Variants in NAALADL2 observed in about 807,000 individuals in gnomAD.
NAALADL2 encodes inactive N-acetylated-alpha-linked acidic dipeptidase-like protein 2.
A neutral mutation model predicts 87.2 loss-of-function variants in NAALADL2; 76 were observed. The observed-to-expected ratio is 0.87, with a 90% confidence interval of 0.72 to 1.05. The LOEUF is 1.05. Among genes scored for constraint, NAALADL2 ranks in the 50% least tolerant of loss-of-function variants. NAALADL2 has a pLI of 0.00. For synonymous variants in NAALADL2, 354 were observed against 331.0 expected, an observed-to-expected ratio of 1.07 and a Z score of -0.75; for missense variants, 1,089 against 945.8, an observed-to-expected ratio of 1.15 and a Z score of -1.99.
At chr3:174,793,448 A>C (rs1478790774) in intron 3 of NAALADL2, among the ~76,000 whole-genome samples, 1 of 152,124 alleles carries the variant, frequency 6.6e-6, no homozygotes. Context: ...TTTACTTGGC[A>C]ATACTATGTG....
At chr3:175,299,894 G>A (rs921956252) in intron 4 of NAALADL2, among the ~76,000 whole-genome samples, 4 of 152,122 alleles carry the variant, frequency 2.6e-5, no homozygotes, top group African/African-American at 9.7e-5. Context: ...TTCAGCTTTT[G>A]CCCATTCATT....
At chr3:175,199,864 A>ATTTTTT (rs869050569) in intron 2 of NAALADL2, among the ~76,000 whole-genome samples, 7 of 13,042 alleles carry the variant, frequency 5.4e-4, no homozygotes, top group Non-Finnish European at 5.8e-4. Context: ...ATATATATAT[A>ATTTTTT]TTTTTTTTTT....
chr3:175,585,624 C>A (rs1243473427), intron 10 of NAALADL2, among the ~76,000 whole-genome samples: 1 of 151,706 alleles, frequency 6.6e-6, no homozygotes, highest in Non-Finnish European at 1.5e-5. Flanking sequence ...TTCTATGCAT[C>A]CAAAAGTTTA....
chr3:174,780,725 A>G (rs1160279148), intron 3 of NAALADL2, among the ~76,000 whole-genome samples: 1 of 152,076 alleles, frequency 6.6e-6, no homozygotes, highest in Non-Finnish European at 1.5e-5. Context: ...CCTTTTCTGC[A>G]CCTGTTGAGA....
At chr3:174,736,055 G>A (rs571478558) in intron 2 of NAALADL2, among the ~76,000 whole-genome samples, 2 of 152,276 alleles carry the variant, frequency 1.3e-5, no homozygotes, top group East Asian at 3.9e-4. Flanking sequence ...AGCTGGTCCA[G>A]GTGTACTGCA....
intron 11 of NAALADL2, among the ~76,000 whole-genome samples, chr3:175,649,134 G>C (rs543889517): frequency 3.8e-4 from 58 of 152,162 alleles, no homozygotes; most frequent in African/African-American, 1.3e-3. Context: ...TGCAGATATG[G>C]CATCAGCAAT....
intron 10 of NAALADL2, among the ~76,000 whole-genome samples, chr3:175,605,091 G>C (rs1723503476): frequency 6.6e-6 from 1 of 152,112 alleles, no homozygotes; most frequent in Non-Finnish European, 1.5e-5. Context: ...TTTACCTTTT[G>C]TGCTTGCTAG....
intron 12 of NAALADL2, among the ~76,000 whole-genome samples, chr3:175,751,900 TTTAAC>T (rs1262327321): frequency 6.6e-6 from 1 of 151,878 alleles, no homozygotes; most frequent in African/African-American, 2.4e-5. Context: ...TTTAGTTTAA[TTTAAC>T]TTATCATTAC....
chr3:174,960,315 T>G (rs772848945), intron 1 of NAALADL2, among the ~76,000 whole-genome samples: 1 of 152,104 alleles, frequency 6.6e-6, no homozygotes, highest in Non-Finnish European at 1.5e-5. Flanking sequence ...AATATCATAG[T>G]TGATAAACAA....
At chr3:175,244,748 T>A (rs1299970028) in intron 3 of NAALADL2, among the ~76,000 whole-genome samples, 1 of 152,210 alleles carries the variant, frequency 6.6e-6, no homozygotes, top group Non-Finnish European at 1.5e-5. Flanking sequence ...GTGCATGGCT[T>A]CTCATCATTT....
chr3:174,520,300 C>T (rs1720195261), intron 1 of NAALADL2, among the ~76,000 whole-genome samples: 1 of 152,120 alleles, frequency 6.6e-6, no homozygotes, highest in South Asian at 2.1e-4. Context: ...CCTCACATTA[C>T]GACTTCAAAC....
intron 11 of NAALADL2, among the ~76,000 whole-genome samples, chr3:175,725,724 A>G (rs1742829080): frequency 6.6e-6 from 1 of 152,172 alleles, no homozygotes; most frequent in South Asian, 2.1e-4. Context: ...ATTGCCATGT[A>G]CTAGCTACGT....
intron 3 of NAALADL2, among the ~76,000 whole-genome samples, chr3:174,794,317 T>C (rs1279057253): frequency 1.3e-5 from 2 of 152,152 alleles, no homozygotes; most frequent in Non-Finnish European, 2.9e-5. Context: ...AGGTACTAGA[T>C]GAAATTATGG....
intron 2 of NAALADL2, among the ~76,000 whole-genome samples, chr3:174,607,587 T>C (rs547472875): frequency 1.3e-5 from 2 of 150,694 alleles, no homozygotes; most frequent in East Asian, 2.0e-4. Context: ...TACATAATGG[T>C]AAAGGGATCA....
intron 5 of NAALADL2, among the ~76,000 whole-genome samples, chr3:175,340,698 C>G (rs1457458939): frequency 6.6e-6 from 1 of 152,154 alleles, no homozygotes; most frequent in Non-Finnish European, 1.5e-5. Context: ...GGTAAGGATA[C>G]AGATGCAATT....
At chr3:175,608,652 T>C (rs2149665651) in intron 10 of NAALADL2, among the ~76,000 whole-genome samples, 1 of 152,206 alleles carries the variant, frequency 6.6e-6, no homozygotes, top group East Asian at 1.9e-4. Context: ...TTATGAAATT[T>C]GGGAAACAAT....
intron 2 of NAALADL2, among the ~76,000 whole-genome samples, chr3:174,684,010 T>A (rs1727802558): frequency 6.6e-6 from 1 of 151,976 alleles, no homozygotes; most frequent in South Asian, 2.1e-4. Flanking sequence ...ATTTAGGGAA[T>A]ATATAGGCTT....
At chr3:175,361,134 T>G (rs1463770119) in intron 5 of NAALADL2, among the ~76,000 whole-genome samples, 1 of 152,016 alleles carries the variant, frequency 6.6e-6, no homozygotes, top group African/African-American at 2.4e-5. Context: ...TTTTCTGTCC[T>G]TCTGGTAGTT....
chr3:175,665,933 C>G (rs113799368), intron 11 of NAALADL2, among the ~76,000 whole-genome samples: 2,077 of 151,360 alleles, frequency 0.014, 51 homozygotes, highest in African/African-American at 0.048. Flanking sequence ...CTGTCCCCCC[C>G]CCAAAAAAAA....
Sources: allele counts gnomAD v4.1 joint callset (sites outside exome capture counted in the v4.1 genomes callset), GRCh38; gene constraint gnomAD v4.1.1; transcripts MANE v1.5; gene names NCBI Gene and HGNC (gene_info 2026-07-23, HGNC 2026-07-21).